The following ARMC9 variants were observed in gnomAD, a reference collection of about 807,000 sequenced individuals.
ARMC9 encodes armadillo repeat containing 9.
Under a neutral mutation model 107.0 loss-of-function variants are expected in ARMC9, and 94 were observed. The ratio of observed to expected loss-of-function variants is 0.88; its 90% CI spans 0.74 to 1.04. The LOEUF (loss-of-function observed/expected upper bound fraction) is 1.04. Ranked by LOEUF, ARMC9 falls within the 50% of genes least tolerant of loss-of-function variation. ARMC9 has a pLI of 0.00. For synonymous variants in ARMC9, 380 were observed against 396.9 expected, an observed-to-expected ratio of 0.96 and a Z score of 0.51; for missense variants, 942 against 1,030.1, an observed-to-expected ratio of 0.91 and a Z score of 1.17.
intron 23 of ARMC9, among the ~76,000 whole-genome samples, chr2:231,366,571 G>C (rs374956870): frequency 6.6e-6 from 1 of 151,944 alleles, no homozygotes; most frequent in Admixed American, 6.6e-5. Context: ...GGCCAGCTGC[G>C]GTGGCTCACG....
intron 11 of ARMC9, among the ~76,000 whole-genome samples, chr2:231,261,921 C>T (rs1199472633): frequency 2.0e-5 from 3 of 151,862 alleles, no homozygotes; most frequent in Non-Finnish European, 4.4e-5. Flanking sequence ...CTCCTGGGTT[C>T]ACGCCATTCT....
intron 5 of ARMC9, among the ~76,000 whole-genome samples, chr2:231,218,379 A>G (rs1415550619): frequency 6.6e-6 from 1 of 152,126 alleles, no homozygotes; most frequent in Non-Finnish European, 1.5e-5. Flanking sequence ...AAAAAATTAA[A>G]AATTAAATTA....
chr2:231,376,445 T>C lies in ARMC9; in HGVS notation c.*4910T>C, dbSNP rs1235002266. Among the ~76,000 whole-genome samples, 4 of 152,094 alleles carry C rather than the reference T, an allele frequency of 2.6e-5. No homozygotes were observed. Among genetic ancestry groups the C allele is most frequent in the Non-Finnish European group, 5.9e-5 (4 of 68,008 alleles). ...CCCCTCCCCCGGGGGCGTGGTCGTC[T>C]CTTATGGTCGAGGCTGCAGAGATGA... is the stretch of plus-strand genomic sequence containing the variant. On this transcript the variant is annotated 3_prime_UTR_variant, in exon 25 of 25. Transcript: ENST00000611582.
chr2:231,262,510 A>G (rs1423021540), intron 12 of ARMC9, 112 bp downstream of exon 12: 2 of 1,054,286 alleles, frequency 1.9e-6, no homozygotes, highest in African/African-American at 1.6e-5. Flanking sequence ...TCGTAACTGT[A>G]TGTCAGCCTT....
At chr2:231,267,835 T>G (rs2038986809) in intron 12 of ARMC9, among the ~76,000 whole-genome samples, 1 of 152,192 alleles carries the variant, frequency 6.6e-6, no homozygotes, top group Non-Finnish European at 1.5e-5. Context: ...TTACTAAAAC[T>G]GAATACCTTA....
intron 14 of ARMC9, among the ~76,000 whole-genome samples, chr2:231,273,577 G>A (rs2039514396): frequency 6.6e-6 from 1 of 152,106 alleles, no homozygotes; most frequent in Non-Finnish European, 1.5e-5. Flanking sequence ...ATGGGGCCAG[G>A]CTAATTTCTG....
At position 231,291,279 on chromosome 2, in the gene ARMC9, G is replaced by A. The variant is rs2040968770; in HGVS notation, c.1627-74G>A. ...CAAAACATTATTTTTTGGATTAGAT[G>A]AGATGACCTCATTGAAAAGTAGTTT... On this transcript the variant is annotated intron_variant, in intron 17 of 24. Transcript: ENST00000611582. The A allele has an allele frequency of 9.9e-6, 12 of 1,216,866 alleles. 1 individual carries two copies. The East Asian group carries it at 2.6e-4, about 27-fold the overall frequency. 75.4% of individuals were successfully genotyped at this position (1,216,866 alleles called of 1,614,324 possible).
intron 7 of ARMC9, among the ~76,000 whole-genome samples, chr2:231,232,839 G>C (rs2035362654): frequency 2.0e-5 from 3 of 151,966 alleles, no homozygotes; most frequent in Non-Finnish European, 4.4e-5. Context: ...TTGATATTTT[G>C]GGTTTTTAAT....
At chr2:231,324,998 T>C (rs2043233194) in intron 19 of ARMC9, among the ~76,000 whole-genome samples, 1 of 151,066 alleles carries the variant, frequency 6.6e-6, no homozygotes, top group Admixed American at 6.6e-5. Context: ...CCGAGAGGGG[T>C]GGATCACTTG....
intron 19 of ARMC9, among the ~76,000 whole-genome samples, chr2:231,317,443 T>TTACAGGTG (rs1194150935): frequency 1.3e-5 from 2 of 152,170 alleles, no homozygotes; most frequent in Non-Finnish European, 2.9e-5. Flanking sequence ...AGTGCTAGGA[T>TTACAGGTG]TACAGGTGTG....
chr2:231,308,461 TG>T (rs1208090798), intron 19 of ARMC9, among the ~76,000 whole-genome samples: 1 of 152,108 alleles, frequency 6.6e-6, no homozygotes, highest in Non-Finnish European at 1.5e-5. Context: ...AGGGTGCTCC[TG>T]GAGGTGGGAC....
intron 18 of ARMC9, among the ~76,000 whole-genome samples, chr2:231,293,618 G>T (rs908404882): frequency 1.3e-5 from 2 of 152,188 alleles, no homozygotes; most frequent in Non-Finnish European, 2.9e-5. Flanking sequence ...TTTTGTAAGG[G>T]ATGTCTCTGG....
At chr2:231,228,183 TGC>T (rs1159131221) in intron 7 of ARMC9, among the ~76,000 whole-genome samples, 1 of 152,226 alleles carries the variant, frequency 6.6e-6, no homozygotes, top group African/African-American at 2.4e-5. Context: ...CTTTGGATCT[TGC>T]CCTGCAGCTC....
chr2:231,351,043 C>G lies in ARMC9; in HGVS notation c.1995-4755C>G, dbSNP rs537984829. Among the ~76,000 whole-genome samples, 1,041 of 135,180 alleles carry G rather than the reference C, an allele frequency of 7.7e-3. 9 individuals carry two copies. The highest frequency in any genetic ancestry group is 0.013 in the Non-Finnish European group (832 of 64,340). 88.7% of individuals were successfully genotyped at this position (135,180 alleles called of 152,430 possible). A position where few individuals can be genotyped will look rare whatever the true frequency, so the allele number is the denominator to read the frequency against. Reference sequence around the variant, plus strand: ...GCACGATCTCGGCTCACTGCAAGCTCCATCTCCCAGTTCACGCCATTCTCC... The same window carrying G: ...GCACGATCTCGGCTCACTGCAAGCTGCATCTCCCAGTTCACGCCATTCTCC... On this transcript the variant is annotated intron_variant, in intron 21 of 24. Transcript: ENST00000611582.
chr2:231,221,112 T>C (rs574601386), intron 5 of ARMC9, among the ~76,000 whole-genome samples: 24 of 152,178 alleles, frequency 1.6e-4, no homozygotes, highest in Non-Finnish European at 5.9e-5. Context: ...GCTGCAAATC[T>C]GAAATCAAGG....
intron 12 of ARMC9, among the ~76,000 whole-genome samples, chr2:231,264,458 C>T (rs544539933): frequency 6.6e-6 from 1 of 152,148 alleles, no homozygotes; most frequent in African/African-American, 2.4e-5. Flanking sequence ...GGATTACAGG[C>T]GTGAGCCACT....
intron 1 of ARMC9, among the ~76,000 whole-genome samples, chr2:231,201,597 C>A (rs1270931430): frequency 1.3e-5 from 2 of 152,246 alleles, no homozygotes; most frequent in Non-Finnish European, 2.9e-5. Context: ...CCATCTTTCA[C>A]ACTCACTGGA....
At chr2:231,316,837 A>G (rs2042717623) in intron 19 of ARMC9, among the ~76,000 whole-genome samples, 1 of 152,244 alleles carries the variant, frequency 6.6e-6, no homozygotes, top group South Asian at 2.1e-4. Flanking sequence ...ACCTTGGCTC[A>G]CTGCAACCTC....
At chr2:231,344,179 G>A (rs1020504479) in intron 20 of ARMC9, among the ~76,000 whole-genome samples, 2 of 152,224 alleles carry the variant, frequency 1.3e-5, no homozygotes, top group African/African-American at 2.4e-5. Flanking sequence ...ACTCAAGGAT[G>A]TGTGAACATT....
Sources: allele counts gnomAD v4.1 joint callset (sites outside exome capture counted in the v4.1 genomes callset), GRCh38; gene constraint gnomAD v4.1.1; transcripts MANE v1.5; gene names NCBI Gene and HGNC (gene_info 2026-07-23, HGNC 2026-07-21).